Variants in PRKDC observed in about 807,000 individuals in gnomAD.
PRKDC encodes the protein DNA-dependent protein kinase catalytic subunit.
In PRKDC, 82 loss-of-function variants were observed where a neutral mutation model predicts 486.9. The observed-to-expected ratio is 0.17, with a 90% confidence interval of 0.14 to 0.20. PRKDC has a LOEUF of 0.20. Among genes scored for constraint, PRKDC ranks in the 10% least tolerant of loss-of-function variants. PRKDC has a pLI of 1.00. For synonymous variants in PRKDC, 1,895 were observed against 1,837.0 expected, an observed-to-expected ratio of 1.03 and a Z score of -0.81; for missense variants, 4,504 against 5,038.2, an observed-to-expected ratio of 0.89 and a Z score of 3.21.
At position 47,782,552 on chromosome 8, in the gene PRKDC, C is replaced by T. The variant is rs759518580; in HGVS notation, c.11222G>A (p.Arg3741His). ...AGGGTGTTCCCTCTCGTCATGGCCA[C>T]GGATGATGATGCGCTTGGGCCTTCG... ...SLRRPKRIII[R>H]GHDEREHPFL... is the part of the protein sequence containing the mutation. The change falls in exon 79 of 86, where the codon CGT becomes CAT. Residue 3741 changes from arginine (R) to histidine (H), a missense_variant. By Grantham distance (29) the Arg-to-His change is conservative. Coordinates refer to ENST00000314191, the MANE Select transcript of PRKDC (RefSeq NM_006904.7). This position sits in a 1 kb window ranked among gnomAD's most constrained non-coding sequence, Gnocchi z 4.9. The T allele has an allele frequency of 1.0e-5, 16 of 1,572,906 alleles. No homozygotes were observed. The highest frequency in any genetic ancestry group is 4.1e-5 in the African/African-American group (3 of 74,014).
chr8:47,800,670 A>C, intron 71 of PRKDC, 123 bp downstream of exon 71: 3 of 799,608 alleles, frequency 3.8e-6, no homozygotes, highest in Non-Finnish European at 5.4e-6. Context: ...TTGGCTGTGC[A>C]TAACTGTCAA....
intron 25 of PRKDC, among the ~76,000 whole-genome samples, chr8:47,910,801 G>A (rs1487051396): frequency 6.6e-6 from 1 of 150,978 alleles, no homozygotes; most frequent in East Asian, 1.9e-4. Context: ...CATAAAATAT[G>A]TTTGCCTGGC....
Position 47,953,966 on chromosome 8 carries a change from A to AT in PRKDC, c.509-48dup, listed in dbSNP as rs771626833. The AT allele has an allele frequency of 6.7e-6, 8 of 1,192,360 alleles. No homozygotes were observed. The South Asian group carries it at 1.1e-4, about 16-fold the overall frequency. 73.9% of individuals were successfully genotyped at this position (1,192,360 alleles called of 1,614,324 possible). On this transcript the variant is annotated intron_variant, in intron 5 of 85. Coordinates refer to ENST00000314191, the MANE Select transcript of PRKDC (RefSeq NM_006904.7). ...AGTGAAGGCCTCAAACTACATTTAA[A>AT]TAAGTTAAACTAACCAAAATGTATG...
rs774525268 is a variant in PRKDC at position 47,798,281 on chromosome 8, T to C, written c.10414A>G (p.Ile3472Val). The C allele has an allele frequency of 6.2e-7, 1 of 1,613,894 alleles. No individual in the cohort carries two copies. ...RLKFPRLLQI[I>V]ERYPEETLSL... ...AAAGTCTCCTCTGGATACCGTTCTA[T>C]AATCTGAAGTAATCTAGGAAACTTC... Residue 3472 changes from isoleucine (I) to valine (V), a missense_variant, in exon 73 of 86, where the codon ATA (isoleucine) becomes GTA (valine). Transcript: ENST00000314191.
At chr8:47,848,432 T>G (rs1163654895) in intron 54 of PRKDC, among the ~76,000 whole-genome samples, 1 of 152,030 alleles carries the variant, frequency 6.6e-6, no homozygotes, top group Non-Finnish European at 1.5e-5. Flanking sequence ...AGCTAAACAC[T>G]GAGTACACAT....
chr8:47,896,649 A>G (rs1461752476), intron 30 of PRKDC, among the ~76,000 whole-genome samples: 1 of 150,854 alleles, frequency 6.6e-6, no homozygotes, highest in Non-Finnish European at 1.5e-5. Flanking sequence ...TCCGTCTCAA[A>G]AAAAAAAAAA....
intron 1 of PRKDC, among the ~76,000 whole-genome samples, chr8:47,958,362 G>A (rs1430099242): frequency 6.6e-6 from 1 of 152,182 alleles, no homozygotes; most frequent in African/African-American, 2.4e-5. Context: ...AGCCCTGTCT[G>A]GTACTTTGGT....
At position 47,830,641 on chromosome 8, in the gene PRKDC, G is replaced by A; in HGVS notation, c.8361C>T (p.His2787=). 1 of 1,613,978 alleles carries A rather than the reference G, an allele frequency of 6.2e-7. No homozygotes were observed. Among genetic ancestry groups the A allele is most frequent in the Admixed American group, 1.7e-5 (1 of 60,022 alleles). ...HGDLPDIQIK[H]SSLITPLQAV... is the part of the protein sequence containing the mutation. The stretch of plus-strand genomic sequence containing the variant: ...CCTGTAACGGGGTGATGAGGCTGCT[G>A]TGCTTGATCTGAATGTCAGGAAGGT... Residue 2787 remains histidine, a synonymous_variant, in exon 61 of 86, where the codon CAC becomes CAT. Coordinates refer to ENST00000314191, the MANE Select transcript of PRKDC (RefSeq NM_006904.7).
chr8:47,937,411 A>G (rs1038213650), intron 11 of PRKDC, among the ~76,000 whole-genome samples: 21 of 152,250 alleles, frequency 1.4e-4, no homozygotes, highest in Non-Finnish European at 2.1e-4. Context: ...ACTGAGGACA[A>G]ATGAGAGGCA....
At chr8:47,783,193 G>A (rs749033401) in intron 78 of PRKDC, among the ~76,000 whole-genome samples, 6 of 149,728 alleles carry the variant, frequency 4.0e-5, no homozygotes, top group Non-Finnish European at 7.4e-5. Context: ...ATGGAGAATC[G>A]CCCGAACCCA....
chr8:47,798,489 T>A, intron 72 of PRKDC, 92 bp from the exon 73 acceptor site: 1 of 1,325,028 alleles, frequency 7.5e-7, no homozygotes, highest in Non-Finnish European at 1.0e-6. Context: ...CCTTTTTGGC[T>A]TGTATTTTGT....
At position 47,902,777 on chromosome 8, in the gene PRKDC, C is replaced by T; in HGVS notation, c.3061G>A (p.Val1021Ile). The change falls in exon 27 of 86, where the codon GTT becomes ATT. Residue 1021 changes from valine to isoleucine, a missense_variant. Coordinates refer to ENST00000314191, the MANE Select transcript of PRKDC (RefSeq NM_006904.7). ...CAAAAATCTCTTAAAGTACTGTCAA[C>T]AGGGTCCACAATTCCATCCTGAAAC... ...EAILDGIVDPVDSTLRDFCGR... is the reference protein window; with the variant it reads ...EAILDGIVDPIDSTLRDFCGR... 2 of 1,609,784 alleles carry T rather than the reference C, an allele frequency of 1.2e-6. No homozygotes were observed. The highest frequency in any genetic ancestry group is 1.1e-5 in the South Asian group (1 of 90,188).
At chr8:47,809,420 G>C (rs2087282300) in intron 68 of PRKDC, among the ~76,000 whole-genome samples, 1 of 152,106 alleles carries the variant, frequency 6.6e-6, no homozygotes, top group African/African-American at 2.4e-5. Flanking sequence ...TGAATGACTG[G>C]ATCCATAAAT....
In PRKDC at chr8:47,819,288, A is replaced by G. The variant is rs542384081; in HGVS notation, c.9445+114T>C. 1.7e-4 allele frequency: 107 copies of G among 626,810 alleles called. 2 individuals carry two copies. The South Asian group carries it at 2.5e-3, about 15-fold the overall frequency. The allele number at this position is 626,810 out of a possible 1,614,324, so 38.8% of individuals were successfully genotyped here. A position where few individuals can be genotyped will look rare whatever the true frequency, so the allele number is the denominator to read the frequency against. ...GGTATTTGTAGAGGAAATTCGATGG[A>G]GTTTCCAACCCATACATTAAGAAAC... On this transcript the variant is annotated intron_variant, in intron 67 of 85. Transcript: ENST00000314191.
intron 48 of PRKDC, 149 bp downstream of exon 48, chr8:47,858,367 C>T: frequency 1.4e-6 from 1 of 723,640 alleles, no homozygotes; most frequent in Non-Finnish European, 2.1e-6. Flanking sequence ...AATCAGAGAA[C>T]AAAAATGTCA....
chr8:47,959,427 C>T lies in PRKDC; in HGVS notation c.154+546G>A, dbSNP rs150008227. ...GGCCCGGTGGCTCACGTCTGTAATCCCAGCACTTTGGGAGGCCGAGGCGGG... is the reference window on the plus strand; with the variant it reads ...GGCCCGGTGGCTCACGTCTGTAATCTCAGCACTTTGGGAGGCCGAGGCGGG... On this transcript the variant is annotated intron_variant, in intron 1 of 85. Transcript: ENST00000314191. 841 of 152,266 alleles carry T rather than the reference C, an allele frequency of 5.5e-3. 18 individuals are homozygous for T. In the East Asian group the frequency reaches 0.082, roughly 15 times the overall value. The allele number at this position is 152,266 out of a possible 1,614,324, so 9.4% of individuals were successfully genotyped here.
At chr8:47,957,097 T>C in intron 3 of PRKDC, 74 bp downstream of exon 3, 1 of 973,680 alleles carries the variant, frequency 1.0e-6, no homozygotes, top group Non-Finnish European at 1.5e-6. Flanking sequence ...AAAATAAAAA[T>C]CCAAGTTCCT....
At chr8:47,834,080 G>C in intron 59 of PRKDC, 116 bp downstream of exon 59, 4 of 1,338,620 alleles carry the variant, frequency 3.0e-6, no homozygotes, top group Non-Finnish European at 4.2e-6. Context: ...GAATTTTAAA[G>C]GGCTTGATTA....
At chr8:47,928,485 A>G (rs962791963) in intron 19 of PRKDC, among the ~76,000 whole-genome samples, 1 of 152,000 alleles carries the variant, frequency 6.6e-6, no homozygotes, top group Non-Finnish European at 1.5e-5. Context: ...ACTTCCTCTA[A>G]TTAGTTTTTT....
Sources: gnomAD v4.1 joint callset for allele counts (sites outside exome capture counted in the v4.1 genomes callset) on GRCh38, gnomAD v4.1.1 for gene constraint, Gnocchi (gnomAD v3.1) non-coding constraint, MANE v1.5 for transcripts, NCBI Gene and HGNC (gene_info 2026-07-23, HGNC 2026-07-21) for gene names.